The following CACNA1D variants were observed in gnomAD, a reference collection of about 807,000 sequenced individuals.
CACNA1D encodes the protein calcium voltage-gated channel subunit alpha1 D.
CACNA1D carries 55 observed loss-of-function variants against 257.1 expected under a neutral mutation model. That is an observed-to-expected ratio of 0.21 (90% CI 0.17 to 0.27). The LOEUF (loss-of-function observed/expected upper bound fraction) is 0.27, where lower values mean the gene tolerates loss of function less well. CACNA1D is among the 10% of genes least tolerant of loss of function. CACNA1D has a pLI of 1.00. For missense variants in CACNA1D, 1,876 were observed against 2,784.0 expected, an observed-to-expected ratio of 0.67 and a Z score of 7.34; for synonymous variants, 980 against 1,014.9, an observed-to-expected ratio of 0.97 and a Z score of 0.65.
chr3:53,585,063 A>G (rs2107771426), intron 3 of CACNA1D, among the ~76,000 whole-genome samples: 1 of 149,860 alleles, frequency 6.7e-6, no homozygotes. Context: ...AGATGTGTCA[A>G]TTTCAGTTGC....
At chr3:53,612,844 A>T (rs574753925) in intron 3 of CACNA1D, among the ~76,000 whole-genome samples, 2 of 152,312 alleles carry the variant, frequency 1.3e-5, no homozygotes, top group East Asian at 3.9e-4. Context: ...TACAGTCTTC[A>T]CTGTCTGTCG....
At position 53,811,003 on chromosome 3, in the gene CACNA1D, C is replaced by G. The variant is rs2095597864; in HGVS notation, c.6193-110C>G. 1 of 838,170 alleles carries G rather than the reference C, an allele frequency of 1.2e-6. No individual in the cohort carries two copies. Among genetic ancestry groups the G allele is most frequent in the Non-Finnish European group, 2.1e-6 (1 of 479,532 alleles). 51.9% of individuals were successfully genotyped at this position (838,170 alleles called of 1,614,324 possible). On this transcript the variant is annotated intron_variant, in intron 47 of 47. Transcript: ENST00000350061. This position sits in a 1 kb window ranked among gnomAD's most constrained non-coding sequence, Gnocchi z 4.2. ...AGAAAACATGATTGAGCTGCATCCC[C>G]AAAGCACACGGTGCAGTTAAGTTAG...
chr3:53,497,879 A>C (rs2090419784), intron 2 of CACNA1D, among the ~76,000 whole-genome samples: 1 of 152,220 alleles, frequency 6.6e-6, no homozygotes, highest in African/African-American at 2.4e-5. Flanking sequence ...CTCTGTTTGA[A>C]GGGAATACAT....
At position 53,811,518 on chromosome 3, in the gene CACNA1D, T is replaced by A; in HGVS notation, c.*112T>A. On this transcript the variant is annotated 3_prime_UTR_variant, in exon 48 of 48. Transcript: ENST00000350061. This position sits in a 1 kb window ranked among gnomAD's most constrained non-coding sequence, Gnocchi z 4.2. ...GCACTAGTTGGGAGTAATATTCAAT[T>A]AATTAGACTTTTGTATAAGAGATGT... The A allele has an allele frequency of 1.2e-6, 1 of 845,958 alleles. No homozygotes were observed. The highest frequency in any genetic ancestry group is 2.0e-5 in the South Asian group (1 of 50,774). The allele number at this position is 845,958 out of a possible 1,614,324, so 52.4% of individuals were successfully genotyped here.
chr3:53,701,966 A>G (rs778752522), intron 8 of CACNA1D, among the ~76,000 whole-genome samples: 2 of 152,136 alleles, frequency 1.3e-5, no homozygotes, highest in Non-Finnish European at 2.9e-5. Flanking sequence ...GACAAGTAGC[A>G]GGGGTTAAGA....
At chr3:53,644,720 T>C (rs966462904) in intron 3 of CACNA1D, among the ~76,000 whole-genome samples, 9 of 152,252 alleles carry the variant, frequency 5.9e-5, no homozygotes, top group Non-Finnish European at 8.8e-5. Context: ...CATTCATCCA[T>C]TGATGAACAT....
At chr3:53,695,519 A>G (rs1315044136) in intron 8 of CACNA1D, among the ~76,000 whole-genome samples, 1 of 152,104 alleles carries the variant, frequency 6.6e-6, no homozygotes, top group Non-Finnish European at 1.5e-5. Context: ...ATGGGGTGTC[A>G]CGGGGCCCTG....
chr3:53,628,703 G>A (rs933971381), intron 3 of CACNA1D, among the ~76,000 whole-genome samples: 2 of 152,170 alleles, frequency 1.3e-5, no homozygotes, highest in Non-Finnish European at 2.9e-5. Context: ...CGCCATATGT[G>A]ACTGTGCCTG....
chr3:53,673,110 C>T lies in CACNA1D; in HGVS notation c.1204C>T (p.Leu402Phe). The change falls in exon 8 of 48, where the codon CTT (leucine) becomes TTT (phenylalanine). Residue 402 changes from leucine (L) to phenylalanine (F), a missense_variant. By Grantham distance (22) the Leu-to-Phe change is conservative. This residue lies in a region of CACNA1D where 188 missense variants were observed against 390.4 expected (regional missense o/e 0.48). Coordinates refer to ENST00000350061, the MANE Select transcript of CACNA1D (RefSeq NM_001128840.3). This position sits in a 1 kb window ranked among gnomAD's most constrained non-coding sequence, Gnocchi z 4.1. ...FGSFFVLNLV[L>F]GVLSGEFSKE... ...GTCATTTTTCGTACTAAATCTTGTA[C>T]TTGGTGTATTGAGCGGGTAAGCTAC... The T allele has an allele frequency of 6.4e-7, 1 of 1,550,730 alleles. No homozygotes were observed. The highest frequency in any genetic ancestry group is 8.7e-7 in the Non-Finnish European group (1 of 1,145,932).
chr3:53,514,273 G>T (rs147638263), intron 3 of CACNA1D, among the ~76,000 whole-genome samples: 226 of 152,066 alleles, frequency 1.5e-3, no homozygotes, highest in African/African-American at 5.2e-3. Flanking sequence ...ATGAAAGGGA[G>T]TCCAGGCTCA....
At chr3:53,644,131 T>C (rs1326706831) in intron 3 of CACNA1D, among the ~76,000 whole-genome samples, 2 of 152,196 alleles carry the variant, frequency 1.3e-5, no homozygotes, top group African/African-American at 4.8e-5. Flanking sequence ...GAAATAGAAA[T>C]GATCTCTGGC....
intron 3 of CACNA1D, among the ~76,000 whole-genome samples, chr3:53,633,649 G>T (rs532211250): frequency 2.6e-5 from 4 of 152,274 alleles, no homozygotes; most frequent in African/African-American, 9.6e-5. Context: ...CTGGATGTCT[G>T]GTTTTTAAAA....
intron 10 of CACNA1D, chr3:53,718,715 G>T: frequency 1.3e-6 from 2 of 1,558,918 alleles, no homozygotes; most frequent in East Asian, 2.4e-5. Context: ...CGGCCAAGGC[G>T]GGGCCCTCTG....
chr3:53,810,041 C>G lies in CACNA1D; in HGVS notation c.5935C>G (p.Arg1979Gly). 1.2e-6 allele frequency: 2 copies of G among 1,614,014 alleles called. No individual in the cohort carries two copies. Among genetic ancestry groups the G allele is most frequent in the Non-Finnish European group, 1.7e-6 (2 of 1,180,018 alleles). The change falls in exon 47 of 48, where the codon CGG (arginine) becomes GGG (glycine). Residue 1979 changes from arginine to glycine, a missense_variant. By Grantham distance (125) the Arg-to-Gly change is moderately radical (BLOSUM62 -2). This residue lies in a region of CACNA1D where 491 missense variants were observed against 554.3 expected (regional missense o/e 0.89). Transcript: ENST00000350061. ...GAAGTACTCACCGAGTCACTCGACC[C>G]GGTCGTGGGCCACCCCTCCAGCAAC... is the stretch of plus-strand genomic sequence containing the variant. ...AQKYSPSHSTRSWATPPATPP... is the reference protein window; with the variant it reads ...AQKYSPSHSTGSWATPPATPP...
At chr3:53,665,571 A>G in intron 5 of CACNA1D, 89 bp from the exon 6 acceptor site, 1 of 983,078 alleles carries the variant, frequency 1.0e-6, no homozygotes, top group East Asian at 2.4e-5. Flanking sequence ...TATGTGTTCT[A>G]AGTAAAGGAG....
At position 53,650,921 on chromosome 3, in the gene CACNA1D, A is replaced by G. The variant is rs1462910581; in HGVS notation, c.623+3A>G. On this transcript the variant is annotated splice_donor_region_variant and intron_variant, in intron 4 of 47. Transcript: ENST00000350061. The stretch of plus-strand genomic sequence containing the variant: ...GATTTTGTTATAGTAATAGTAGGGT[A>G]AGTCTCTTTTACTTTGGGGAAATGT... The G allele has an allele frequency of 6.2e-7, 1 of 1,611,858 alleles. No homozygotes were observed. The highest frequency in any genetic ancestry group is 1.7e-5 in the Admixed American group (1 of 60,010).
chr3:53,638,060 G>A (rs2093906438), intron 3 of CACNA1D, among the ~76,000 whole-genome samples: 1 of 152,210 alleles, frequency 6.6e-6, no homozygotes. Context: ...GGAAAATGGT[G>A]TCCATACATT....
chr3:53,707,383 C>G (rs1314051493), intron 9 of CACNA1D, among the ~76,000 whole-genome samples: 1 of 152,124 alleles, frequency 6.6e-6, no homozygotes, highest in Non-Finnish European at 1.5e-5. Context: ...CTATCAGTGG[C>G]TGAATATCAC....
At chr3:53,688,376 A>T (rs1174449183) in intron 8 of CACNA1D, among the ~76,000 whole-genome samples, 1 of 152,204 alleles carries the variant, frequency 6.6e-6, no homozygotes, top group Non-Finnish European at 1.5e-5. Context: ...GTACTTACAG[A>T]GGCATGACTT....
Sources: allele counts gnomAD v4.1 joint callset (sites outside exome capture counted in the v4.1 genomes callset), GRCh38; gene constraint gnomAD v4.1.1; regional missense constraint gnomAD v4.1.1; non-coding constraint Gnocchi (gnomAD v3.1); transcripts MANE v1.5; gene names NCBI Gene and HGNC (gene_info 2026-07-23, HGNC 2026-07-21).